Variants in SUGCT observed in about 807,000 individuals in gnomAD.
SUGCT encodes the protein succinyl-CoA:glutarate-CoA transferase, also known as succinyl-CoA:glutarate CoA-transferase.
A neutral mutation model predicts 55.0 loss-of-function variants in SUGCT; 41 were observed. The ratio of observed to expected loss-of-function variants is 0.74; its 90% confidence interval spans 0.58 to 0.97. The LOEUF is 0.97. Among genes scored for constraint, SUGCT ranks in the 50% least tolerant of loss-of-function variants. SUGCT has a pLI of 0.00. For synonymous variants in SUGCT, 187 were observed against 200.4 expected (o/e 0.93, Z 0.56); for missense variants, 568 against 547.8 (o/e 1.04, Z -0.37).
chr7:40,530,808 A>G (rs553704315), intron 12 of SUGCT, among the ~76,000 whole-genome samples: 5 of 152,312 alleles, frequency 3.3e-5, no homozygotes, highest in Admixed American at 2.6e-4. Flanking sequence ...ACTAAGCCCA[A>G]TGCTTTGTGT....
intron 8 of SUGCT, among the ~76,000 whole-genome samples, chr7:40,285,980 C>T (rs972951203): frequency 2.0e-5 from 3 of 152,120 alleles, no homozygotes; most frequent in Non-Finnish European, 4.4e-5. Flanking sequence ...ATTCCATATG[C>T]TAAATATATT....
At chr7:40,560,936 G>A (rs925637056) in intron 12 of SUGCT, among the ~76,000 whole-genome samples, 2 of 152,160 alleles carry the variant, frequency 1.3e-5, no homozygotes, top group Non-Finnish European at 2.9e-5. Flanking sequence ...CATTCCATAT[G>A]TTGTTTTGTT....
chr7:40,736,431 A>G (rs1178926958), intron 12 of SUGCT, among the ~76,000 whole-genome samples: 11 of 151,550 alleles, frequency 7.3e-5, no homozygotes, highest in Non-Finnish European at 1.6e-4. Context: ...AATTTTCCAA[A>G]ACTTTTGAAG....
At chr7:41,037,884 A>G in the SUGCT span, among the ~76,000 whole-genome samples, 5 of 152,160 alleles carry the variant, frequency 3.3e-5, no homozygotes, top group African/African-American at 1.2e-4. Flanking sequence ...GGAAACTGCA[A>G]TAAGATTCCT....
At chr7:40,587,945 T>TA (rs1434774068) in intron 12 of SUGCT, among the ~76,000 whole-genome samples, 2 of 148,660 alleles carry the variant, frequency 1.3e-5, no homozygotes, top group African/African-American at 4.9e-5. Flanking sequence ...CTCTGCCGCC[T>TA]AAACTGGAGT....
At chr7:40,845,425 G>A (rs757432200) in intron 13 of SUGCT, among the ~76,000 whole-genome samples, 1 of 152,296 alleles carries the variant, frequency 6.6e-6, no homozygotes, top group Non-Finnish European at 1.5e-5. Flanking sequence ...AGTTTGGCTG[G>A]AAGAAACAGC....
At chr7:40,175,034 A>G (rs1229694756) in intron 1 of SUGCT, among the ~76,000 whole-genome samples, 2 of 152,018 alleles carry the variant, frequency 1.3e-5, no homozygotes, top group South Asian at 2.1e-4. Flanking sequence ...ATGATACTGG[A>G]GATTTTTATT....
chr7:40,999,938 C>T, the SUGCT span, among the ~76,000 whole-genome samples: 33 of 151,912 alleles, frequency 2.2e-4, no homozygotes, highest in African/African-American at 7.7e-4. Context: ...TTCATGGGTC[C>T]CTAAAAGTAC....
the SUGCT span, among the ~76,000 whole-genome samples, chr7:40,961,652 C>A: frequency 6.6e-6 from 1 of 152,158 alleles, no homozygotes; most frequent in Non-Finnish European, 1.5e-5. Flanking sequence ...AAGCTGAGAA[C>A]CCTCGTGGTG....
At chr7:40,526,980 A>G (rs1172505334) in intron 12 of SUGCT, among the ~76,000 whole-genome samples, 1 of 152,176 alleles carries the variant, frequency 6.6e-6, no homozygotes, top group Non-Finnish European at 1.5e-5. Flanking sequence ...TAATTTTTTA[A>G]GCCATACTTT....
chr7:40,480,712 C>T lies in SUGCT; in HGVS notation c.987-15572C>T, dbSNP rs386498808. Among the ~76,000 whole-genome samples, 587 of 152,018 alleles carry T rather than the reference C, an allele frequency of 3.9e-3. 2 individuals carry two copies. The highest frequency in any genetic ancestry group is 6.1e-3 in the Non-Finnish European group (418 of 67,976). On this transcript the variant is annotated intron_variant, in intron 11 of 13. Transcript: ENST00000335693. ...AATGTTGTATAATTTTTAGTGTACACGTCTTTTAATTTTCTGGTTGATTTT... is the reference window on the plus strand; with the variant it reads ...AATGTTGTATAATTTTTAGTGTACATGTCTTTTAATTTTCTGGTTGATTTT...
At chr7:40,344,633 A>C (rs1479711734) in intron 9 of SUGCT, among the ~76,000 whole-genome samples, 3 of 152,310 alleles carry the variant, frequency 2.0e-5, no homozygotes, top group Admixed American at 1.3e-4. Context: ...TGACCTGCAA[A>C]GCTGAACATA....
chr7:40,882,485 C>T, the SUGCT span, among the ~76,000 whole-genome samples: 1 of 152,162 alleles, frequency 6.6e-6, no homozygotes, highest in African/African-American at 2.4e-5. Context: ...TAGCACACAT[C>T]AAGGCTGTGT....
chr7:40,449,228 A>C (rs924232311), intron 9 of SUGCT, 59 bp from the exon 10 acceptor site: 1 of 1,147,240 alleles, frequency 8.7e-7, no homozygotes, highest in Non-Finnish European at 1.3e-6. Flanking sequence ...TTAGAAATTA[A>C]ACTTTTGTGG....
At chr7:40,514,838 A>G (rs1203575563) in intron 12 of SUGCT, among the ~76,000 whole-genome samples, 2 of 151,848 alleles carry the variant, frequency 1.3e-5, no homozygotes, top group Non-Finnish European at 2.9e-5. Context: ...ACTCATGGAG[A>G]GCCAAATTAA....
intron 12 of SUGCT, among the ~76,000 whole-genome samples, chr7:40,648,041 T>G (rs1372646214): frequency 1.3e-5 from 2 of 152,168 alleles, no homozygotes; most frequent in Admixed American, 1.3e-4. Flanking sequence ...ATAAAAAATA[T>G]ACTTTACTGT....
the SUGCT span, among the ~76,000 whole-genome samples, chr7:41,032,004 TGAA>T: frequency 3.5e-5 from 2 of 57,336 alleles, no homozygotes; most frequent in African/African-American, 5.0e-5. Flanking sequence ...AATGAATGAA[TGAA>T]TGAATGAATG....
chr7:40,462,852 C>T (rs182705331), intron 11 of SUGCT, among the ~76,000 whole-genome samples: 31 of 152,220 alleles, frequency 2.0e-4, no homozygotes, highest in African/African-American at 4.8e-4. Flanking sequence ...ACATTTGTTT[C>T]GGTGAGCCTA....
At chr7:40,525,320 C>T (rs1562836961) in intron 12 of SUGCT, among the ~76,000 whole-genome samples, 1 of 152,130 alleles carries the variant, frequency 6.6e-6, no homozygotes, top group East Asian at 1.9e-4. Context: ...GTGTAGGGTT[C>T]ACATAAGGAA....
Sources: gnomAD v4.1 joint callset for allele counts (sites outside exome capture counted in the v4.1 genomes callset) on GRCh38, gnomAD v4.1.1 for gene constraint, MANE v1.5 for transcripts, NCBI Gene and HGNC (gene_info 2026-07-23, HGNC 2026-07-21) for gene names.